CFAP54: variants seen among roughly 807,000 people sequenced by gnomAD.
CFAP54 encodes the protein cilia and flagella associated protein 54, also known as cilia- and flagella-associated protein 54.
A neutral mutation model predicts 370.4 loss-of-function variants in CFAP54; 290 were observed. That is an observed-to-expected ratio of 0.78 (90% CI 0.71 to 0.86). The LOEUF (loss-of-function observed/expected upper bound fraction) is 0.86. CFAP54 is among the 40% of genes least tolerant of loss of function. The pLI is 0.00. For synonymous variants in CFAP54, 1,206 were observed against 1,236.5 expected (o/e 0.98, Z 0.52); for missense variants, 3,399 against 3,528.7 (o/e 0.96, Z 0.93).
intron 38 of CFAP54, 99 bp from the exon 39 acceptor site, chr12:96,663,727 CTCTT>C: frequency 1.3e-6 from 1 of 756,402 alleles, no homozygotes; most frequent in Non-Finnish European, 2.2e-6. Context: ...TGTTATGTAT[CTCTT>C]TATTCTGATA....
chr12:96,726,105 A>G (rs1229837597), intron 50 of CFAP54, among the ~76,000 whole-genome samples: 115 of 149,542 alleles, frequency 7.7e-4, no homozygotes, highest in Non-Finnish European at 1.4e-3. Context: ...TTTTTGCATC[A>G]ATGTTCATCA....
intron 20 of CFAP54, 22 bp from the exon 21 acceptor site, chr12:96,580,575 G>C: frequency 1.4e-6 from 2 of 1,421,246 alleles, no homozygotes; most frequent in Non-Finnish European, 9.3e-7. Flanking sequence ...CTTTTAAACA[G>C]GCTCATTTTT....
In CFAP54 at chr12:96,734,895, A is replaced by G. The variant is rs142722920; in HGVS notation, c.6966-5061A>G. ...CATAGAAAAACAAGATTTTTACTTCAAGTAAATATGACAAATAGTTCCTTT... is the reference window on the plus strand; with the variant it reads ...CATAGAAAAACAAGATTTTTACTTCGAGTAAATATGACAAATAGTTCCTTT... On this transcript the variant is annotated intron_variant, in intron 50 of 67. Transcript: ENST00000524981. Among the ~76,000 whole-genome samples, 34 of 152,332 alleles carry G rather than the reference A, an allele frequency of 2.2e-4. No individual in the cohort carries two copies. In the East Asian group the frequency reaches 4.0e-3, roughly 18 times the overall value.
intron 28 of CFAP54, 133 bp from the exon 29 acceptor site, chr12:96,625,585 C>G (rs1410027031): frequency 1.8e-5 from 9 of 503,604 alleles, no homozygotes; most frequent in Non-Finnish European, 3.1e-5. Context: ...TATTTTAAGG[C>G]ACATAATTTA....
At chr12:96,560,964 T>C (rs897855349) in intron 17 of CFAP54, among the ~76,000 whole-genome samples, 4 of 152,230 alleles carry the variant, frequency 2.6e-5, no homozygotes, top group African/African-American at 9.6e-5. Flanking sequence ...CTGTCCCTGC[T>C]TTGCCTCTTT....
chr12:96,651,418 G>C lies in CFAP54; in HGVS notation c.4873-170G>C, dbSNP rs111723463. Among the ~76,000 whole-genome samples, 548 of 152,244 alleles carry C rather than the reference G, an allele frequency of 3.6e-3. 4 individuals carry two copies. The highest frequency in any genetic ancestry group is 6.0e-3 in the Non-Finnish European group (410 of 68,020). On this transcript the variant is annotated intron_variant, in intron 35 of 67. Transcript: ENST00000524981. ...ACTTACTTCATGGAAATCTTTGTTC[G>C]AAGTAAATGAGATAATGCATATAAC... is the stretch of plus-strand genomic sequence containing the variant.
intron 66 of CFAP54, among the ~76,000 whole-genome samples, chr12:96,831,019 G>A (rs1053395613): frequency 2.0e-5 from 3 of 152,156 alleles, no homozygotes; most frequent in Non-Finnish European, 4.4e-5. Context: ...GGTTAAAAGC[G>A]TGACAAGTGG....
chr12:96,524,207 T>C (rs941387765), intron 8 of CFAP54, among the ~76,000 whole-genome samples: 1 of 152,226 alleles, frequency 6.6e-6, no homozygotes, highest in African/African-American at 2.4e-5. Context: ...AGACTCCTAA[T>C]GATTGATTAG....
intron 45 of CFAP54, among the ~76,000 whole-genome samples, chr12:96,694,512 C>A (rs1256596523): frequency 6.6e-6 from 1 of 152,070 alleles, no homozygotes; most frequent in African/African-American, 2.4e-5. Flanking sequence ...CGCGCACACA[C>A]ACACACACAA....
intron 8 of CFAP54, among the ~76,000 whole-genome samples, chr12:96,526,894 T>G (rs1046594182): frequency 7.0e-6 from 1 of 143,740 alleles, no homozygotes; most frequent in Non-Finnish European, 1.5e-5. Flanking sequence ...GGTTTTTTTT[T>G]TTTTTTTTTT....
chr12:96,769,543 G>A (rs1958436305), intron 60 of CFAP54, among the ~76,000 whole-genome samples: 1 of 152,178 alleles, frequency 6.6e-6, no homozygotes, highest in African/African-American at 2.4e-5. Flanking sequence ...CTCTGTCTTG[G>A]CTCCTTGCTG....
rs185291590 is a variant in CFAP54, at chr12:96,649,339, G to A, written c.4691-552G>A. 3.1e-3 allele frequency among the ~76,000 whole-genome samples: 467 copies of A among 151,986 alleles called. 3 individuals carry two copies. Among genetic ancestry groups the A allele is most frequent in the African/African-American group, 0.01 (427 of 41,468 alleles). On this transcript the variant is annotated intron_variant, in intron 34 of 67. Transcript: ENST00000524981. ...CTGAGTTTTTCTTTTTTTAAAACTG[G>A]CTCTCTACCTAAGACCTACCATGAA...
At chr12:96,781,895 T>A (rs557522061) in intron 60 of CFAP54, among the ~76,000 whole-genome samples, 2 of 152,062 alleles carry the variant, frequency 1.3e-5, no homozygotes, top group Admixed American at 1.3e-4. Context: ...AGAACTAAAG[T>A]ACAAATGGTT....
Position 96,764,188 on chromosome 12 carries a change from C to T in CFAP54, c.8078C>T (p.Ser2693Leu). Reference sequence around the variant, plus strand: ...AGAAGTAGTTCTGTTAAAGAAACATCAGCAAATAAATTTGAAATGTACAGT... The same window carrying T: ...AGAAGTAGTTCTGTTAAAGAAACATTAGCAAATAAATTTGAAATGTACAGT... ...LRRSSSVKET[S>L]ANKFEMYSSL... is the part of the protein sequence containing the mutation. The change falls in exon 59 of 68, where the codon TCA becomes TTA. Residue 2693 changes from serine to leucine, a missense_variant. Around this residue, in one of 3 missense-constraint regions of CFAP54, gnomAD observed 2,796 missense variants for 2,869.7 expected, o/e 0.97. Coordinates refer to ENST00000524981, the MANE Select transcript of CFAP54 (RefSeq NM_001306084.2). 3 of 1,613,110 alleles carry T rather than the reference C, an allele frequency of 1.9e-6. No individual in the cohort carries two copies. Among genetic ancestry groups the T allele is most frequent in the Non-Finnish European group, 2.5e-6 (3 of 1,179,486 alleles).
intron 14 of CFAP54, among the ~76,000 whole-genome samples, chr12:96,547,322 G>C (rs996412657): frequency 1.3e-5 from 2 of 152,156 alleles, no homozygotes; most frequent in African/African-American, 2.4e-5. Flanking sequence ...CAGTAGCTGG[G>C]ATTACAGGCA....
chr12:96,761,739 CA>C lies in CFAP54; in HGVS notation c.8041-2409del, dbSNP rs531267234. ...GCAGTTGTCTCAGCACCATTTGTTGCAAAGACTTATCCTTTTCTCGTTGGAT... is the reference window on the plus strand; with the variant it reads ...GCAGTTGTCTCAGCACCATTTGTTGCAAGACTTATCCTTTTCTCGTTGGAT... On this transcript the variant is annotated intron_variant, in intron 58 of 67. Coordinates refer to ENST00000524981, the MANE Select transcript of CFAP54 (RefSeq NM_001306084.2). Among the ~76,000 whole-genome samples the C allele has an allele frequency of 2.1e-3, 320 of 152,176 alleles. 1 individual carries two copies. The highest frequency in any genetic ancestry group is 7.4e-3 in the African/African-American group (306 of 41,524).
At chr12:96,674,081 A>C (rs1025190792) in intron 39 of CFAP54, among the ~76,000 whole-genome samples, 3 of 152,008 alleles carry the variant, frequency 2.0e-5, no homozygotes, top group African/African-American at 7.2e-5. Flanking sequence ...CACTCTCTTG[A>C]GTTTTGACCT....
At chr12:96,675,905 A>G (rs1957200796) in intron 39 of CFAP54, among the ~76,000 whole-genome samples, 1 of 144,852 alleles carries the variant, frequency 6.9e-6, no homozygotes, top group East Asian at 2.2e-4. Context: ...ACATGGACCC[A>G]GGAAGGGGAA....
chr12:96,719,367 C>T (rs1171618058), intron 49 of CFAP54, among the ~76,000 whole-genome samples: 3 of 152,144 alleles, frequency 2.0e-5, no homozygotes, highest in Non-Finnish European at 4.4e-5. Flanking sequence ...ATATAATATT[C>T]ACTGCTCTGC....
Sources: gnomAD v4.1 joint callset for allele counts (sites outside exome capture counted in the v4.1 genomes callset) on GRCh38, gnomAD v4.1.1 for gene constraint, gnomAD v4.1.1 regional missense constraint, MANE v1.5 for transcripts, NCBI Gene and HGNC (gene_info 2026-07-23, HGNC 2026-07-21) for gene names.